ZNF746: variants seen among roughly 807,000 people sequenced by gnomAD.
The protein encoded by ZNF746 is zinc finger protein 746.
In ZNF746, 13 loss-of-function variants were observed where a neutral mutation model predicts 41.0. The ratio of observed to expected loss-of-function variants is 0.32; its 90% CI spans 0.21 to 0.50. The LOEUF (loss-of-function observed/expected upper bound fraction) is 0.50. ZNF746 is among the 20% of genes least tolerant of loss of function. The pLI, the probability that ZNF746 is intolerant of heterozygous loss-of-function variation, is 0.98. For missense variants in ZNF746, 811 were observed against 922.9 expected, an observed-to-expected ratio of 0.88 and a Z score of 1.57; for synonymous variants, 424 against 396.2, an observed-to-expected ratio of 1.07 and a Z score of -0.83.
rs1386330249 is a variant in ZNF746, at chr7:149,477,668, C to G, written c.653G>C (p.Gly218Ala). The change falls in exon 5 of 7, where the codon GGC becomes GCC. Residue 218 changes from glycine (G) to alanine (A), a missense_variant. Coordinates refer to ENST00000458143, the MANE Select transcript of ZNF746 (RefSeq NM_001394198.1). ...CTGCCCGGCTGCCCACGCCTCCACG[C>G]CCAGGGCCTGCTGCTCCTGGAGCTG... ...ELQLQEQQAL[G>A]VEAWAAGQPD... 6.2e-7 allele frequency: 1 copy of G among 1,614,020 alleles called. No homozygotes were observed.
At position 149,497,602 on chromosome 7, in the gene ZNF746, C is replaced by T. The variant is rs1343620805; in HGVS notation, c.-66G>A. The T allele has an allele frequency of 6.8e-6, 7 of 1,022,176 alleles. No individual in the cohort carries two copies. The highest frequency in any genetic ancestry group is 8.2e-6 in the Non-Finnish European group (7 of 855,242). The allele number at this position is 1,022,176 out of a possible 1,614,324, so 63.3% of individuals were successfully genotyped here. A position where few individuals can be genotyped will look rare whatever the true frequency, so the allele number is the denominator to read the frequency against. On this transcript the variant is annotated 5_prime_UTR_variant, in exon 1 of 7. Transcript: ENST00000458143. This position sits in a 1 kb window ranked among gnomAD's most constrained non-coding sequence, Gnocchi z 4.2. ...CGCCGCCGCCGCGCGCGGCACCACGCAGGCCCGGCCGCCCGGTGCTCTCCG... is the reference window on the plus strand; with the variant it reads ...CGCCGCCGCCGCGCGCGGCACCACGTAGGCCCGGCCGCCCGGTGCTCTCCG...
At chr7:149,496,151 G>T (rs1965618) in intron 1 of ZNF746, among the ~76,000 whole-genome samples, 36,963 of 151,916 alleles carry the variant, frequency 0.24, 4,628 homozygotes, top group Middle Eastern at 0.35. Context: ...ATTATTATGG[G>T]CTTTGTGTGG....
Position 149,473,318 on chromosome 7 carries a change from G to A in ZNF746, c.*1066C>T, listed in dbSNP as rs376587259. ...GTTCACCCACAGTGATGTTCCAGTA[G>A]AATGAGGCATCTCGCCTGTTGCTCT... On this transcript the variant is annotated 3_prime_UTR_variant, in exon 7 of 7. Transcript: ENST00000458143. 2.4e-4 allele frequency: 37 copies of A among 152,290 alleles called. No homozygotes were observed. The highest frequency in any genetic ancestry group is 8.7e-4 in the African/African-American group (36 of 41,556). 9.4% of individuals were successfully genotyped at this position (152,290 alleles called of 1,614,324 possible). A position where few individuals can be genotyped will look rare whatever the true frequency, so the allele number is the denominator to read the frequency against.
At position 149,492,926 on chromosome 7, in the gene ZNF746, C is replaced by A. The variant is rs759005291; in HGVS notation, c.498G>T (p.Gly166=). Residue 166 remains glycine (G), a synonymous_variant, in exon 4 of 7, where the codon GGG becomes GGT. Coordinates refer to ENST00000458143, the MANE Select transcript of ZNF746 (RefSeq NM_001394198.1). ...GGCGGCGCCAGTTGCAGGGCTCCTT[C>A]CCTTGTTCAATCTGGGAGAGGACCT... ...KPEVLSQIEQ[G]KEPCNWRRPG... 10 of 1,614,124 alleles carry A rather than the reference C, an allele frequency of 6.2e-6. No homozygotes were observed. The highest frequency in any genetic ancestry group is 3.3e-5 in the Admixed American group (2 of 60,022).
At chr7:149,475,916 G>C (rs551199155) in intron 6 of ZNF746, among the ~76,000 whole-genome samples, 1 of 152,316 alleles carries the variant, frequency 6.6e-6, no homozygotes, top group East Asian at 1.9e-4. Flanking sequence ...ACAGGTGTGA[G>C]GATTAAACCA....
intron 1 of ZNF746, chr7:149,496,710 A>T (rs1159234914): frequency 1.7e-6 from 1 of 574,680 alleles, no homozygotes; most frequent in Non-Finnish European, 2.2e-6. Context: ...GGCGCAGAGC[A>T]TCAGGCCAGG....
chr7:149,483,563 C>T (rs374488635), intron 4 of ZNF746, among the ~76,000 whole-genome samples: 8 of 151,308 alleles, frequency 5.3e-5, no homozygotes, highest in African/African-American at 1.2e-4. Context: ...GCCAAGATCG[C>T]GCCACTGTAC....
At position 149,497,661 on chromosome 7, in the gene ZNF746, C is replaced by T. The variant is rs1801059526; in HGVS notation, c.-125G>A. 9 of 737,270 alleles carry T rather than the reference C, an allele frequency of 1.2e-5. No homozygotes were observed. The highest frequency in any genetic ancestry group is 6.1e-5 in the Admixed American group (1 of 16,306). The allele number at this position is 737,270 out of a possible 1,614,324, so 45.7% of individuals were successfully genotyped here. A position where few individuals can be genotyped will look rare whatever the true frequency, so the allele number is the denominator to read the frequency against. On this transcript the variant is annotated 5_prime_UTR_variant, in exon 1 of 7. Transcript: ENST00000458143. The surrounding 1 kb of genome is among the most constrained non-coding windows in gnomAD (Gnocchi z 4.2). ...GCCTGCCTGGCCTTTCCTCTGCCGC[C>T]GCTCCTCGCTGGCTGCCCCTGCGCC...
In ZNF746 at chr7:149,497,227, C is replaced by T; in HGVS notation, c.24+286G>A. The T allele has an allele frequency of 1.0e-6, 1 of 983,648 alleles. No homozygotes were observed. The highest frequency in any genetic ancestry group is 1.2e-6 in the Non-Finnish European group (1 of 828,360). 60.9% of individuals were successfully genotyped at this position (983,648 alleles called of 1,614,324 possible). On this transcript the variant is annotated intron_variant, in intron 1 of 6. Coordinates refer to ENST00000458143, the MANE Select transcript of ZNF746 (RefSeq NM_001394198.1). The surrounding 1 kb of genome is among the most constrained non-coding windows in gnomAD (Gnocchi z 4.2). ...GGCACCCAGAAGGAGGGGACAGCGGCTGGGGCGGGGGCAGGAAGCCCCGGA... is the reference window on the plus strand; with the variant it reads ...GGCACCCAGAAGGAGGGGACAGCGGTTGGGGCGGGGGCAGGAAGCCCCGGA...
chr7:149,480,464 G>A (rs189278635), intron 4 of ZNF746, among the ~76,000 whole-genome samples: 9 of 152,094 alleles, frequency 5.9e-5, no homozygotes, highest in Middle Eastern at 3.4e-3. Context: ...ATGGAGTCTC[G>A]CTCTGTTGCC....
intron 4 of ZNF746, among the ~76,000 whole-genome samples, chr7:149,484,422 A>G (rs76797264): frequency 0.015 from 2,321 of 152,358 alleles, 88 homozygotes; most frequent in Admixed American, 0.073. Flanking sequence ...TAAGGAGAAA[A>G]AAATGTATAA....
intron 4 of ZNF746, among the ~76,000 whole-genome samples, chr7:149,492,148 G>C (rs553357214): frequency 1.3e-5 from 2 of 152,094 alleles, no homozygotes; most frequent in South Asian, 2.1e-4. Context: ...GAACAACATG[G>C]GTTTGAACTA....
At chr7:149,477,263 C>T (rs1800335566) in intron 5 of ZNF746, among the ~76,000 whole-genome samples, 2 of 152,150 alleles carry the variant, frequency 1.3e-5, no homozygotes, top group South Asian at 4.1e-4. Context: ...CCACGGGCCC[C>T]TCTCGAATAG....
chr7:149,477,871 A>C (rs1388860939), intron 4 of ZNF746, 116 bp from the exon 5 acceptor site: 1 of 830,638 alleles, frequency 1.2e-6, no homozygotes. Context: ...ACAGCAAAAG[A>C]GCCTGGTGGG....
At chr7:149,492,664 G>GA (rs1343344198) in intron 4 of ZNF746, among the ~76,000 whole-genome samples, 195 bp downstream of exon 4, 47 of 152,280 alleles carry the variant, frequency 3.1e-4, no homozygotes, top group African/African-American at 1.1e-3. Flanking sequence ...TTCCCTGACA[G>GA]AAAGTGTTCA....
chr7:149,496,034 TC>T (rs1235166408), intron 1 of ZNF746, among the ~76,000 whole-genome samples: 15 of 152,122 alleles, frequency 9.9e-5, no homozygotes, highest in African/African-American at 3.1e-4. Flanking sequence ...CTTTCTCAGA[TC>T]AATCCCTGTC....
In ZNF746 at chr7:149,497,685, C is replaced by T. The variant is rs1032257433; in HGVS notation, c.-149G>A. On this transcript the variant is annotated 5_prime_UTR_variant, in exon 1 of 7. Coordinates refer to ENST00000458143, the MANE Select transcript of ZNF746 (RefSeq NM_001394198.1). This position sits in a 1 kb window ranked among gnomAD's most constrained non-coding sequence, Gnocchi z 4.2. ...CCGCTCCTCGCTGGCTGCCCCTGCGCCGCGCCGCCCGCAGTCGCGCCGCCT... is the reference window on the plus strand; with the variant it reads ...CCGCTCCTCGCTGGCTGCCCCTGCGTCGCGCCGCCCGCAGTCGCGCCGCCT... 1.5e-4 allele frequency: 74 copies of T among 504,256 alleles called. No individual in the cohort carries two copies. The highest frequency in any genetic ancestry group is 1.8e-4 in the Non-Finnish European group (68 of 388,376). The allele number at this position is 504,256 out of a possible 1,614,324, so 31.2% of individuals were successfully genotyped here. A position where few individuals can be genotyped will look rare whatever the true frequency, so the allele number is the denominator to read the frequency against.
chr7:149,493,923 T>A (rs1229348769), intron 3 of ZNF746, 66 bp downstream of exon 3: 12 of 1,612,830 alleles, frequency 7.4e-6, no homozygotes, highest in Non-Finnish European at 1.0e-5. Context: ...AAAACAACTA[T>A]GTGGAGGGAG....
In ZNF746 at chr7:149,494,027, T is replaced by G; in HGVS notation, c.413A>C (p.His138Pro). 6.2e-7 allele frequency: 1 copy of G among 1,614,196 alleles called. No homozygotes were observed. The highest frequency in any genetic ancestry group is 8.5e-7 in the Non-Finnish European group (1 of 1,180,032). ...LEDWQKELYK[H>P]VMRGNYETLV... ...CGTCTCGTAGTTGCCCCTCATCACG[T>G]GCTTGTAGAGCTCCTTCTGCCAGTC... is the stretch of plus-strand genomic sequence containing the variant. The change falls in exon 3 of 7, where the codon CAC (histidine) becomes CCC (proline). Residue 138 changes from histidine to proline, a missense_variant. By Grantham distance (77) the His-to-Pro change is moderately conservative. Around this residue, in one of 4 missense-constraint regions of ZNF746, gnomAD observed 147 missense variants for 233.4 expected, o/e 0.63. Coordinates refer to ENST00000458143, the MANE Select transcript of ZNF746 (RefSeq NM_001394198.1). The surrounding 1 kb of genome is among the most constrained non-coding windows in gnomAD (Gnocchi z 5.6).
Sources: gnomAD v4.1 joint callset for allele counts (sites outside exome capture counted in the v4.1 genomes callset) on GRCh38, gnomAD v4.1.1 for gene constraint, gnomAD v4.1.1 regional missense constraint, Gnocchi (gnomAD v3.1) non-coding constraint, MANE v1.5 for transcripts, NCBI Gene and HGNC (gene_info 2026-07-23, HGNC 2026-07-21) for gene names.